Variants in DRC7 observed in about 807,000 individuals in gnomAD.
The protein encoded by DRC7 is dynein regulatory complex subunit 7.
DRC7 carries 80 observed loss-of-function variants against 104.4 expected under a neutral mutation model. The ratio of observed to expected loss-of-function variants is 0.77; its 90% confidence interval spans 0.64 to 0.92. DRC7 has a LOEUF of 0.92. Ranked by LOEUF, DRC7 falls within the 40% of genes least tolerant of loss-of-function variation. DRC7 has a pLI of 0.00. For synonymous variants in DRC7, 405 were observed against 447.3 expected (o/e 0.91, Z 1.19); for missense variants, 1,034 against 1,141.1 (o/e 0.91, Z 1.35).
At chr16:57,724,968 C>G in intron 13 of DRC7, 133 bp downstream of exon 13, 1 of 650,374 alleles carries the variant, frequency 1.5e-6, no homozygotes, top group Non-Finnish European at 2.7e-6. Context: ...AATGATGAAC[C>G]AAGCATTTTA....
At chr16:57,722,436 C>T (rs2048913567) in intron 10 of DRC7, among the ~76,000 whole-genome samples, 1 of 152,034 alleles carries the variant, frequency 6.6e-6, no homozygotes. Flanking sequence ...CAAGCAAAGG[C>T]CTGGCAATGT....
intron 8 of DRC7, among the ~76,000 whole-genome samples, chr16:57,717,242 T>C (rs1248977378): frequency 6.7e-6 from 1 of 149,814 alleles, no homozygotes; most frequent in Non-Finnish European, 1.5e-5. Flanking sequence ...TGTTTTTTTT[T>C]TTTTTTTGGA....
At chr16:57,707,719 G>A in intron 8 of DRC7, 41 bp downstream of exon 8, 1 of 1,566,024 alleles carries the variant, frequency 6.4e-7, no homozygotes, top group Non-Finnish European at 8.7e-7. Context: ...GGCAGGCACA[G>A]TGCAGGTGAT....
intron 2 of DRC7, 81 bp from the exon 3 acceptor site, chr16:57,697,832 T>C (rs2048612129): frequency 2.0e-6 from 3 of 1,481,146 alleles, no homozygotes; most frequent in African/African-American, 2.8e-5. Context: ...CTCCCAGGCC[T>C]CCCGGGGATG....
chr16:57,716,715 G>A (rs1255308283), intron 8 of DRC7, among the ~76,000 whole-genome samples: 2 of 152,112 alleles, frequency 1.3e-5, no homozygotes, highest in African/African-American at 4.8e-5. Context: ...ACATGACAGT[G>A]AGTACTAGGC....
chr16:57,718,434 GA>G lies in DRC7; in HGVS notation c.1166del (p.Asp389AlafsTer5). The G allele has an allele frequency of 6.2e-7, 1 of 1,614,152 alleles. No individual in the cohort carries two copies. ...DKSQLSLTEE[D>X]DSGINDEDDV... ...GTCTCAGCTGTCCTTGACTGAAGAA[GA>G]CGACAGTGGGATAAACGATGAGGAT... On this transcript the variant is annotated frameshift_variant, in exon 9 of 19. Coordinates refer to ENST00000360716, the MANE Select transcript of DRC7 (RefSeq NM_001289162.2). LOFTEE classifies it high-confidence loss of function.
At chr16:57,699,179 C>A in intron 4 of DRC7, 155 bp downstream of exon 4, 1 of 880,688 alleles carries the variant, frequency 1.1e-6, no homozygotes, top group Non-Finnish European at 1.7e-6. Context: ...TAAAGTCGAA[C>A]GCCAGCAGGC....
intron 17 of DRC7, 57 bp downstream of exon 17, chr16:57,728,641 T>C (rs2049003055): frequency 7.0e-7 from 1 of 1,429,024 alleles, no homozygotes; most frequent in Non-Finnish European, 9.4e-7. Flanking sequence ...ATCCAGGAAA[T>C]GGGCCCACGG....
intron 8 of DRC7, chr16:57,713,984 A>C (rs1291071068): frequency 1.5e-5 from 3 of 204,794 alleles, no homozygotes; most frequent in African/African-American, 7.0e-5. Flanking sequence ...CAGGCTTAAC[A>C]CCAAAACTGC....
chr16:57,714,608 A>C (rs2048821926), intron 8 of DRC7: 1 of 167,034 alleles, frequency 6.0e-6, no homozygotes, highest in Non-Finnish European at 1.3e-5. Context: ...CCTGGGCAAC[A>C]GAGAGAGAGA....
At chr16:57,722,977 C>A (rs563394427) in intron 11 of DRC7, 25 bp from the exon 12 acceptor site, 1 of 1,613,474 alleles carries the variant, frequency 6.2e-7, no homozygotes, top group African/African-American at 1.3e-5. Flanking sequence ...GGCCTGGCTG[C>A]GGCAAGTGTC....
intron 16 of DRC7, among the ~76,000 whole-genome samples, chr16:57,727,893 G>A (rs1597813819): frequency 6.6e-6 from 1 of 152,218 alleles, no homozygotes. Flanking sequence ...GAGGCAGGAT[G>A]GGCATCAGAT....
At chr16:57,708,000 C>T (rs1255822975) in intron 8 of DRC7, 22 of 373,312 alleles carry the variant, frequency 5.9e-5, no homozygotes, top group Non-Finnish European at 1.1e-4. Flanking sequence ...AGTGAAATCC[C>T]ACAAATTTAA....
chr16:57,719,727 C>G (rs2923136), intron 9 of DRC7, among the ~76,000 whole-genome samples: 4,759 of 152,162 alleles, frequency 0.031, 330 homozygotes, highest in East Asian at 0.23. Context: ...AGGCTGGTCT[C>G]GAACTCCTGG....
At chr16:57,702,328 A>G (rs1347882767) in intron 6 of DRC7, among the ~76,000 whole-genome samples, 198 bp downstream of exon 6, 1 of 152,140 alleles carries the variant, frequency 6.6e-6, no homozygotes, top group African/African-American at 2.4e-5. Context: ...TCGGTGTCTT[A>G]ACACATCCAG....
intron 14 of DRC7, 107 bp downstream of exon 14, chr16:57,726,390 G>A (rs1056468500): frequency 6.4e-6 from 6 of 933,122 alleles, no homozygotes; most frequent in Non-Finnish European, 9.9e-6. Context: ...GGTGAATCCC[G>A]GCGAGGAAAT....
intron 17 of DRC7, among the ~76,000 whole-genome samples, chr16:57,729,069 A>AGTGG (rs2049011230): frequency 7.3e-6 from 1 of 136,116 alleles, no homozygotes; most frequent in Admixed American, 7.2e-5. Context: ...TGAGTGAGTG[A>AGTGG]GTGGATGGAT....
chr16:57,729,046 ATGGG>A (rs1567890288), intron 17 of DRC7, among the ~76,000 whole-genome samples: 3 of 112,286 alleles, frequency 2.7e-5, no homozygotes, highest in African/African-American at 1.4e-4. Context: ...GGGTGGATGG[ATGGG>A]TGGGTGGGTG....
intron 8 of DRC7, among the ~76,000 whole-genome samples, chr16:57,717,697 T>A (rs557568104): frequency 2.5e-4 from 38 of 149,516 alleles, no homozygotes; most frequent in African/African-American, 9.1e-4. Flanking sequence ...AGACTCTGTC[T>A]CAAAAAAAAA....
Sources: gnomAD v4.1 joint callset for allele counts (sites outside exome capture counted in the v4.1 genomes callset) on GRCh38, gnomAD v4.1.1 for gene constraint, MANE v1.5 for transcripts, NCBI Gene and HGNC (gene_info 2026-07-23, HGNC 2026-07-21) for gene names.